NBDY: variants seen among roughly 807,000 people sequenced by gnomAD.
NBDY encodes P-body dissociating protein.
At chrX:56,750,467 TA>T (rs56230643) in intron 2 of NBDY, among the ~76,000 whole-genome samples, 1 of 108,194 alleles carries the variant, frequency 9.2e-6, no homozygotes, top group Non-Finnish European at 1.9e-5. Context: ...CTGGGTTAAA[TA>T]AAAAAAATAT....
At chrX:56,758,004 C>A (rs940820916) in intron 2 of NBDY, among the ~76,000 whole-genome samples, 6 of 111,337 alleles carry the variant, frequency 5.4e-5, no homozygotes, top group Non-Finnish European at 9.4e-5. Context: ...AGGCAGCACA[C>A]TCCCTCCTGG....
At chrX:56,755,147 G>A (rs1400036659) in intron 2 of NBDY, among the ~76,000 whole-genome samples, 1 of 111,802 alleles carries the variant, frequency 8.9e-6, no homozygotes, top group Non-Finnish European at 1.9e-5. Context: ...ATTCAAGATG[G>A]ATTAAAGACT....
At chrX:56,793,412 T>C (rs1271972895) in intron 2 of NBDY, among the ~76,000 whole-genome samples, 1 of 111,547 alleles carries the variant, frequency 9.0e-6, no homozygotes, top group Non-Finnish European at 1.9e-5. Context: ...AGTCTACAGG[T>C]CCTTGGTCCT....
Position 56,730,513 on chromosome X carries a change from C to CAAAAAAAAAAAAAAA in NBDY, c.*29+943_*29+957dup, listed in dbSNP as rs1157131797. Among the ~76,000 whole-genome samples, 17 of 11,207 alleles carry CAAAAAAAAAAAAAAA rather than the reference C, an allele frequency of 1.5e-3. 6 individuals carry two copies. The highest frequency in any genetic ancestry group is 5.0e-3 in the Admixed American group (2 of 404). The allele number at this position is 11,207 out of a possible 115,157, so 9.7% of individuals were successfully genotyped here. A position where few individuals can be genotyped will look rare whatever the true frequency, so the allele number is the denominator to read the frequency against. On this transcript the variant is annotated intron_variant, in intron 1 of 2. Transcript: ENST00000374922. ...GCGACAATAGCAAAAAACTACGTCTCAAAAAAAAAAAAAAAAAAAAAAAAA... is the reference window on the plus strand; with the variant it reads ...GCGACAATAGCAAAAAACTACGTCTCAAAAAAAAAAAAAAAAAAAAAAAAAAAAAAAAAAAAAAAA...
chrX:56,731,599 A>T (rs1213986187), intron 1 of NBDY, among the ~76,000 whole-genome samples: 1 of 110,917 alleles, frequency 9.0e-6, no homozygotes, highest in Non-Finnish European at 1.9e-5. Flanking sequence ...AATTTTAAAA[A>T]ATAAAAAGGA....
chrX:56,731,963 A>G (rs1347131635), intron 1 of NBDY, 100 bp from the exon 2 acceptor site: 1 of 279,122 alleles, frequency 3.6e-6, no homozygotes, highest in Non-Finnish European at 6.3e-6. Context: ...AATCATTGAA[A>G]TAGAGGTATG....
intron 2 of NBDY, among the ~76,000 whole-genome samples, chrX:56,786,965 G>C (rs2069732819): frequency 9.0e-6 from 1 of 111,396 alleles, no homozygotes; most frequent in Admixed American, 9.6e-5. Context: ...CCTTCACCCA[G>C]TACCTCATGG....
chrX:56,790,393 C>T (rs1407499679), intron 2 of NBDY, among the ~76,000 whole-genome samples: 2 of 112,161 alleles, frequency 1.8e-5, no homozygotes, highest in Non-Finnish European at 3.8e-5. Flanking sequence ...ACCACTCTCA[C>T]ATCACAAGAG....
At chrX:56,789,325 C>A (rs1421254048) in intron 2 of NBDY, among the ~76,000 whole-genome samples, 1 of 111,263 alleles carries the variant, frequency 9.0e-6, no homozygotes, top group Non-Finnish European at 1.9e-5. Flanking sequence ...CTCATGAAAT[C>A]CCACCCTTAG....
chrX:56,760,598 C>T (rs893994085), intron 2 of NBDY, among the ~76,000 whole-genome samples: 1 of 111,970 alleles, frequency 8.9e-6, no homozygotes, highest in Non-Finnish European at 1.9e-5. Context: ...GCAGGAGAAT[C>T]GCTTGAACCC....
intron 2 of NBDY, among the ~76,000 whole-genome samples, chrX:56,804,336 C>T (rs950947505): frequency 8.0e-5 from 9 of 112,004 alleles, no homozygotes; most frequent in Admixed American, 3.8e-4. Context: ...GATTGGACAC[C>T]TGTCCCAGGC....
chrX:56,751,550 A>C (rs2069585796), intron 2 of NBDY, among the ~76,000 whole-genome samples: 1 of 111,935 alleles, frequency 8.9e-6, no homozygotes, highest in African/African-American at 3.2e-5. Flanking sequence ...AAAGTACATA[A>C]ATCTTAAGTA....
intron 2 of NBDY, among the ~76,000 whole-genome samples, chrX:56,803,307 G>A (rs1390530860): frequency 2.7e-5 from 3 of 111,734 alleles, no homozygotes; most frequent in East Asian, 2.8e-4. Flanking sequence ...GAGTCGTCCC[G>A]CCCACAGCAC....
intron 2 of NBDY, among the ~76,000 whole-genome samples, chrX:56,805,052 G>A (rs1005868925): frequency 1.8e-5 from 2 of 112,390 alleles, no homozygotes; most frequent in African/African-American, 3.2e-5. Context: ...ACTCAGAGGG[G>A]TATGACCTAC....
intron 2 of NBDY, among the ~76,000 whole-genome samples, chrX:56,783,425 A>G (rs762247913): frequency 7.1e-5 from 8 of 112,634 alleles, no homozygotes; most frequent in Non-Finnish European, 1.3e-4. Context: ...AAACGGCCCC[A>G]TTTTCTGGCT....
intron 2 of NBDY, among the ~76,000 whole-genome samples, chrX:56,797,216 C>T (rs1323162246): frequency 9.4e-6 from 1 of 106,282 alleles, no homozygotes; most frequent in Non-Finnish European, 1.9e-5. Context: ...CCTCCTCCTT[C>T]TCCTTCTTCT....
chrX:56,740,825 A>C (rs921442353), intron 2 of NBDY, among the ~76,000 whole-genome samples: 2 of 111,297 alleles, frequency 1.8e-5, no homozygotes, highest in African/African-American at 6.5e-5. Flanking sequence ...CATCATGTAC[A>C]ATGGGGTATC....
At chrX:56,752,691 C>A (rs751789642) in intron 2 of NBDY, among the ~76,000 whole-genome samples, 1 of 111,351 alleles carries the variant, frequency 9.0e-6, no homozygotes, top group East Asian at 2.8e-4. Flanking sequence ...CTCACTGCAA[C>A]CTCCACCTCC....
chrX:56,814,878 G>C (rs1012052465), intron 2 of NBDY, among the ~76,000 whole-genome samples: 9 of 109,945 alleles, frequency 8.2e-5, no homozygotes, highest in African/African-American at 3.0e-4. Flanking sequence ...GATCAAATGT[G>C]ATAGTAAGAA....
Sources: allele counts gnomAD v4.1 joint callset (sites outside exome capture counted in the v4.1 genomes callset), GRCh38; gene constraint gnomAD v4.1.1; transcripts MANE v1.5; gene names NCBI Gene and HGNC (gene_info 2026-07-23, HGNC 2026-07-21).